The following PCDH11X variants were observed in gnomAD, a reference collection of about 807,000 sequenced individuals.
PCDH11X encodes protocadherin-11 X-linked.
PCDH11X carries 18 observed loss-of-function variants against 53.3 expected under a neutral mutation model. That is an observed-to-expected ratio of 0.34 (90% CI 0.23 to 0.50). The LOEUF (loss-of-function observed/expected upper bound fraction) is 0.50, where lower values mean the gene tolerates loss of function less well. PCDH11X is among the 20% of genes least tolerant of loss of function. The pLI is 0.98. For synonymous variants in PCDH11X, 279 were observed against 393.3 expected (o/e 0.71, Z 3.44); for missense variants, 570 against 1,032.4 (o/e 0.55, Z 6.14).
At chrX:92,568,344 C>T (rs1335677642) in intron 10 of PCDH11X, among the ~76,000 whole-genome samples, 6 of 108,763 alleles carry the variant, frequency 5.5e-5, no homozygotes, top group African/African-American at 1.0e-4. Context: ...ACAGCGTGAA[C>T]GTGGGAGGCG....
In PCDH11X at chrX:92,554,550, C is replaced by T. The variant is rs773808385; in HGVS notation, c.3368-63714C>T. Among the ~76,000 whole-genome samples, 290 of 91,872 alleles carry T rather than the reference C, an allele frequency of 3.2e-3. 1 individual carries two copies. The highest frequency in any genetic ancestry group is 5.8e-3 in the Non-Finnish European group (251 of 43,120). The allele number at this position is 91,872 out of a possible 115,157, so 79.8% of individuals were successfully genotyped here. ...AAACATATATATCTAACTATAACCC[C>T]TTTGATAATCCTCCATTTTTATAAA... On this transcript the variant is annotated intron_variant, in intron 10 of 10. Coordinates refer to ENST00000682573, the MANE Select transcript of PCDH11X (RefSeq NM_032968.5).
intron 8 of PCDH11X, among the ~76,000 whole-genome samples, chrX:92,329,843 T>TG (rs1266223078): frequency 9.0e-6 from 1 of 111,326 alleles, no homozygotes; most frequent in Non-Finnish European, 1.9e-5. Flanking sequence ...GGGTAGTGGC[T>TG]GGGGGGAAGT....
chrX:92,104,115 C>T (rs1236964043), intron 6 of PCDH11X, among the ~76,000 whole-genome samples: 1 of 111,165 alleles, frequency 9.0e-6, no homozygotes, highest in East Asian at 2.8e-4. Context: ...TTGACTATGC[C>T]TTTAGCTCCA....
chrX:92,275,105 G>GT (rs2068054362), intron 8 of PCDH11X, among the ~76,000 whole-genome samples: 1 of 100,704 alleles, frequency 9.9e-6, no homozygotes, highest in Non-Finnish European at 2.0e-5. Context: ...GTTGAGCATA[G>GT]TTTGTGATTT....
chrX:92,551,247 TG>T (rs777502761), intron 10 of PCDH11X, among the ~76,000 whole-genome samples: 2 of 111,981 alleles, frequency 1.8e-5, no homozygotes, highest in Non-Finnish European at 3.8e-5. Flanking sequence ...TGCTAGCATT[TG>T]TTATTGCCTG....
intron 10 of PCDH11X, among the ~76,000 whole-genome samples, chrX:92,592,597 G>A (rs1249446312): frequency 4.5e-5 from 5 of 110,016 alleles, no homozygotes; most frequent in Non-Finnish European, 9.5e-5. Flanking sequence ...AGGGCTTTGT[G>A]GCATGCACCT....
chrX:92,163,457 T>C (rs2065677488), intron 6 of PCDH11X, among the ~76,000 whole-genome samples: 1 of 110,461 alleles, frequency 9.1e-6, no homozygotes, highest in Admixed American at 9.7e-5. Context: ...AGGACCCCTG[T>C]GAGACAAGTC....
chrX:92,384,109 G>A lies in PCDH11X; in HGVS notation c.3145-3626G>A, dbSNP rs1286178137. Among the ~76,000 whole-genome samples the A allele has an allele frequency of 8.1e-5, 9 of 111,634 alleles. No individual in the cohort carries two copies. The East Asian group carries it at 8.5e-4, about 11-fold the overall frequency. Reference sequence around the variant, plus strand: ...GAGCTTCTTTTCATGTTTGCTGGCCGCATAAATGTCTTCTTTTGAGAAATG... The same window carrying A: ...GAGCTTCTTTTCATGTTTGCTGGCCACATAAATGTCTTCTTTTGAGAAATG... On this transcript the variant is annotated intron_variant, in intron 8 of 10. Coordinates refer to ENST00000682573, the MANE Select transcript of PCDH11X (RefSeq NM_032968.5).
At chrX:91,942,053 T>C (rs187388015) in intron 6 of PCDH11X, among the ~76,000 whole-genome samples, 1 of 109,692 alleles carries the variant, frequency 9.1e-6, no homozygotes, top group African/African-American at 3.3e-5. Flanking sequence ...TAGGGGGAAA[T>C]TTATAGTGCT....
chrX:91,924,807 G>C (rs1277110359), intron 6 of PCDH11X, among the ~76,000 whole-genome samples: 37 of 111,199 alleles, frequency 3.3e-4, no homozygotes, highest in African/African-American at 1.2e-3. Flanking sequence ...ATCAGTAATT[G>C]TGTATGTGTA....
At chrX:92,124,505 A>C (rs1263435563) in intron 6 of PCDH11X, among the ~76,000 whole-genome samples, 1 of 107,943 alleles carries the variant, frequency 9.3e-6, no homozygotes, top group East Asian at 2.9e-4. Context: ...AGATCGCACC[A>C]CTGCACCCCA....
At chrX:91,907,404 C>CAGAGAG (rs1941207859) in intron 6 of PCDH11X, among the ~76,000 whole-genome samples, 1 of 68,524 alleles carries the variant, frequency 1.5e-5, no homozygotes, top group Non-Finnish European at 2.7e-5. Context: ...CACACACACA[C>CAGAGAG]ACACACACAG....
At chrX:92,217,080 A>G (rs201526506) in intron 7 of PCDH11X, among the ~76,000 whole-genome samples, 18,250 of 110,743 alleles carry the variant, frequency 0.16, 1,306 homozygotes, top group Admixed American at 0.29. Flanking sequence ...AACAACCGGT[A>G]CCAGCCACTG....
chrX:92,439,199 A>G (rs1347458740), intron 9 of PCDH11X, among the ~76,000 whole-genome samples: 1 of 110,988 alleles, frequency 9.0e-6, no homozygotes, highest in Non-Finnish European at 1.9e-5. Context: ...TGTCATAAGA[A>G]AGAAGTAGTA....
At chrX:92,151,223 C>T (rs964850751) in intron 6 of PCDH11X, among the ~76,000 whole-genome samples, 3 of 109,823 alleles carry the variant, frequency 2.7e-5, no homozygotes, top group Non-Finnish European at 5.7e-5. Flanking sequence ...GATGGAGTCT[C>T]GCCCTGTCAC....
chrX:92,119,910 T>G (rs1265560277), intron 6 of PCDH11X, among the ~76,000 whole-genome samples: 3 of 110,390 alleles, frequency 2.7e-5, no homozygotes, highest in Non-Finnish European at 5.7e-5. Context: ...TTGGTCTACC[T>G]GTACTTTTTG....
chrX:91,870,449 G>A (rs1243364793), intron 5 of PCDH11X, among the ~76,000 whole-genome samples: 1 of 110,174 alleles, frequency 9.1e-6, no homozygotes, highest in African/African-American at 3.3e-5. Flanking sequence ...CTTCCTGAGT[G>A]CCTACTCTTT....
intron 8 of PCDH11X, among the ~76,000 whole-genome samples, chrX:92,264,368 AAGTC>A (rs756848651): frequency 1.3e-4 from 15 of 111,580 alleles, no homozygotes; most frequent in Non-Finnish European, 2.1e-4. Flanking sequence ...GAATTTTTGA[AAGTC>A]AGCTCCTCCC....
At chrX:92,527,069 C>G (rs1435791439) in intron 10 of PCDH11X, among the ~76,000 whole-genome samples, 1 of 111,010 alleles carries the variant, frequency 9.0e-6, no homozygotes, top group Non-Finnish European at 1.9e-5. Context: ...AAAATAAAAT[C>G]AATTGAACTC....
Sources: gnomAD v4.1 joint callset for allele counts (sites outside exome capture counted in the v4.1 genomes callset) on GRCh38, gnomAD v4.1.1 for gene constraint, MANE v1.5 for transcripts, NCBI Gene and HGNC (gene_info 2026-07-23, HGNC 2026-07-21) for gene names.